Variants in SLFN5 observed in about 807,000 individuals in gnomAD.
The protein encoded by SLFN5 is schlafen family member 5.
A neutral mutation model predicts 48.5 loss-of-function variants in SLFN5; 34 were observed. The ratio of observed to expected loss-of-function variants is 0.70; its 90% CI spans 0.53 to 0.93. The LOEUF is 0.93. SLFN5 is among the 40% of genes least tolerant of loss of function. The pLI is 0.00. For synonymous variants in SLFN5, 387 were observed against 396.2 expected, an observed-to-expected ratio of 0.98 and a Z score of 0.28; for missense variants, 1,006 against 1,071.3, an observed-to-expected ratio of 0.94 and a Z score of 0.85.
At chr17:35,260,526 A>G (rs1396902903) in intron 2 of SLFN5, among the ~76,000 whole-genome samples, 1 of 152,100 alleles carries the variant, frequency 6.6e-6, no homozygotes. Context: ...GGAGTTTGAG[A>G]CCAGCCTGGC....
chr17:35,260,609 C>T lies in SLFN5; in HGVS notation c.1013-362C>T, dbSNP rs114777086. On this transcript the variant is annotated intron_variant, in intron 2 of 4. Transcript: ENST00000299977. ...GATGTGGTGACGCACGCCTGTAATC[C>T]CAGCTGCTCAGGAGGATTGCTTGAA... Among the ~76,000 whole-genome samples the T allele has an allele frequency of 5.1e-3, 782 of 152,036 alleles. 14 individuals carry two copies. Among genetic ancestry groups the T allele is most frequent in the South Asian group, 0.035 (170 of 4,804 alleles).
chr17:35,255,905 C>T (rs1485813638), intron 1 of SLFN5, among the ~76,000 whole-genome samples: 1 of 152,156 alleles, frequency 6.6e-6, no homozygotes, highest in Non-Finnish European at 1.5e-5. Flanking sequence ...TCTATTATTT[C>T]CTTACTTTTC....
At chr17:35,254,196 A>G (rs1351652901) in intron 1 of SLFN5, among the ~76,000 whole-genome samples, 1 of 152,084 alleles carries the variant, frequency 6.6e-6, no homozygotes, top group Non-Finnish European at 1.5e-5. Context: ...TTATTGTCTT[A>G]TATTTGTATT....
In SLFN5 at chr17:35,246,468, C is replaced by T. The variant is rs1048806943; in HGVS notation, c.-41+3325C>T. On this transcript the variant is annotated intron_variant, in intron 1 of 4. Coordinates refer to ENST00000299977, the MANE Select transcript of SLFN5 (RefSeq NM_144975.4). ...CTCTCGCTCCTCCTGTTGCCCCCTCCTCTGACAGGCTGGGGCTTATATTTT... is the reference window on the plus strand; with the variant it reads ...CTCTCGCTCCTCCTGTTGCCCCCTCTTCTGACAGGCTGGGGCTTATATTTT... Among the ~76,000 whole-genome samples, 8 of 152,272 alleles carry T rather than the reference C, an allele frequency of 5.3e-5. No homozygotes were observed. In the East Asian group the frequency reaches 1.5e-3, roughly 29 times the overall value.
Position 35,265,059 on chromosome 17 carries a change from C to T in SLFN5, c.1860-13C>T, listed in dbSNP as rs1397883278. ...TGTTTCATTGGGGAAAAACCTGACT[C>T]TGTTTCTTACAGTTTCAGCAAGAAA... On this transcript the variant is annotated splice_polypyrimidine_tract_variant and intron_variant, in intron 4 of 4. Transcript: ENST00000299977. The T allele has an allele frequency of 1.3e-6, 2 of 1,596,718 alleles. No homozygotes were observed. Among genetic ancestry groups the T allele is most frequent in the African/African-American group, 1.3e-5 (1 of 74,334 alleles).
intron 2 of SLFN5, among the ~76,000 whole-genome samples, chr17:35,260,005 G>GTCAA (rs1204073755): frequency 6.6e-6 from 1 of 152,122 alleles, no homozygotes; most frequent in African/African-American, 2.4e-5. Context: ...TATGTTCATA[G>GTCAA]TCAAGCCTCT....
chr17:35,260,296 TAGAC>T (rs1232820936), intron 2 of SLFN5, among the ~76,000 whole-genome samples: 1 of 152,160 alleles, frequency 6.6e-6, no homozygotes, highest in Non-Finnish European at 1.5e-5. Context: ...GAGATAAAAT[TAGAC>T]AGAGAAAACC....
chr17:35,251,530 C>T (rs1412290534), intron 1 of SLFN5, among the ~76,000 whole-genome samples: 2 of 152,078 alleles, frequency 1.3e-5, no homozygotes, highest in African/African-American at 4.8e-5. Context: ...CTCAACCTCC[C>T]GAGTAGCTGG....
At chr17:35,257,904 A>G (rs1363970797) in intron 1 of SLFN5, among the ~76,000 whole-genome samples, 2 of 152,212 alleles carry the variant, frequency 1.3e-5, no homozygotes, top group Non-Finnish European at 2.9e-5. Flanking sequence ...AAGAAAAACA[A>G]TAAATATTAG....
intron 2 of SLFN5, 122 bp from the exon 3 acceptor site, chr17:35,260,849 G>A: frequency 7.9e-7 from 1 of 1,263,070 alleles, no homozygotes; most frequent in Non-Finnish European, 1.1e-6. Context: ...GAGATGTAAA[G>A]GCAAGTATCT....
At chr17:35,250,013 A>G (rs1380300831) in intron 1 of SLFN5, among the ~76,000 whole-genome samples, 3 of 152,230 alleles carry the variant, frequency 2.0e-5, no homozygotes, top group Non-Finnish European at 2.9e-5. Context: ...GCTCGAACCT[A>G]CAGTTGAAGG....
rs533008549 is a variant in SLFN5 at position 35,271,719 on chromosome 17, G to A, written c.*5831G>A. 1 of 152,224 alleles carries A rather than the reference G, an allele frequency of 6.6e-6. No individual in the cohort carries two copies. The highest frequency in any genetic ancestry group is 1.5e-5 in the Non-Finnish European group (1 of 68,010). The allele number at this position is 152,224 out of a possible 1,614,324, so 9.4% of individuals were successfully genotyped here. ...AAATGCCAACAGGTTTTCCCCAATAGCATTGAAATGATTTTAAAATTTAAT... is the reference window on the plus strand; with the variant it reads ...AAATGCCAACAGGTTTTCCCCAATAACATTGAAATGATTTTAAAATTTAAT... On this transcript the variant is annotated 3_prime_UTR_variant, in exon 5 of 5. Coordinates refer to ENST00000299977, the MANE Select transcript of SLFN5 (RefSeq NM_144975.4).
At chr17:35,255,792 T>C (rs1057485555) in intron 1 of SLFN5, among the ~76,000 whole-genome samples, 1 of 152,214 alleles carries the variant, frequency 6.6e-6, no homozygotes, top group Non-Finnish European at 1.5e-5. Flanking sequence ...AGAAATACAT[T>C]TCTAGAAGCT....
At position 35,258,684 on chromosome 17, in the gene SLFN5, T is replaced by G. The variant is rs368303291; in HGVS notation, c.-7T>G. 2.5e-6 allele frequency: 4 copies of G among 1,608,534 alleles called. No homozygotes were observed. The highest frequency in any genetic ancestry group is 3.4e-6 in the Non-Finnish European group (4 of 1,176,166). On this transcript the variant is annotated 5_prime_UTR_variant, in exon 2 of 5. Coordinates refer to ENST00000299977, the MANE Select transcript of SLFN5 (RefSeq NM_144975.4). Reference sequence around the variant, plus strand: ...TTCAGGATAGGAATAGGCCAAGTGCTGAGAAGATGAGTCTTAGGATTGATG... The same window carrying G: ...TTCAGGATAGGAATAGGCCAAGTGCGGAGAAGATGAGTCTTAGGATTGATG...
At chr17:35,261,632 G>T (rs1473511646) in intron 3 of SLFN5, among the ~76,000 whole-genome samples, 2 of 151,358 alleles carry the variant, frequency 1.3e-5, no homozygotes, top group African/African-American at 4.9e-5. Context: ...GCTTCCCAAA[G>T]TGCTGGGATT....
chr17:35,258,796 C>T lies in SLFN5; in HGVS notation c.106C>T (p.Arg36Trp), dbSNP rs372293965. 9.9e-6 allele frequency: 16 copies of T among 1,613,946 alleles called. No homozygotes were observed. Among genetic ancestry groups the T allele is most frequent in the East Asian group, 6.7e-5 (3 of 44,900 alleles). ...QQRQEMDPRL[R>W]EKQNEIILRA... ...GAGGCAGGAGATGGACCCTCGCCTG[C>T]GGGAGAAACAGAATGAAATCATCCT... The change falls in exon 2 of 5, where the codon CGG becomes TGG. Residue 36 changes from arginine to tryptophan, a missense_variant. Arg to Trp is a moderately radical substitution (Grantham distance 101). Coordinates refer to ENST00000299977, the MANE Select transcript of SLFN5 (RefSeq NM_144975.4).
rs768128506 is a variant in SLFN5, at chr17:35,259,399, C to A, written c.709C>A (p.Gln237Lys). The A allele has an allele frequency of 1.2e-6, 2 of 1,613,956 alleles. No homozygotes were observed. Among genetic ancestry groups the A allele is most frequent in the Admixed American group, 1.7e-5 (1 of 59,998 alleles). ...VFFGVHDETC[Q>K]VIGCEKEKID... ...TTTTGGTGTGCATGATGAGACTTGT[C>A]AAGTGATTGGATGTGAAAAAGAGAA... is the stretch of plus-strand genomic sequence containing the variant. The change falls in exon 2 of 5, where the codon CAA (glutamine) becomes AAA (lysine). Residue 237 changes from glutamine (Q) to lysine (K), a missense_variant. By Grantham distance (53) the Gln-to-Lys change is moderately conservative. Coordinates refer to ENST00000299977, the MANE Select transcript of SLFN5 (RefSeq NM_144975.4).
chr17:35,244,129 T>A (rs757560819), intron 1 of SLFN5, among the ~76,000 whole-genome samples: 2 of 152,156 alleles, frequency 1.3e-5, no homozygotes, highest in Admixed American at 6.5e-5. Context: ...TATATCCTCC[T>A]GCTTGACAAA....
intron 3 of SLFN5, among the ~76,000 whole-genome samples, chr17:35,263,249 G>GC (rs1904573191): frequency 6.6e-6 from 1 of 152,026 alleles, no homozygotes; most frequent in Non-Finnish European, 1.5e-5. Context: ...TCGTGCCTCA[G>GC]CCCCCCGAGT....
Sources: allele counts gnomAD v4.1 joint callset (sites outside exome capture counted in the v4.1 genomes callset), GRCh38; gene constraint gnomAD v4.1.1; transcripts MANE v1.5; gene names NCBI Gene and HGNC (gene_info 2026-07-23, HGNC 2026-07-21).